Variants in R3HDM1 observed in about 807,000 individuals in gnomAD.
The protein encoded by R3HDM1 is R3H domain-containing protein 1.
A neutral mutation model predicts 141.1 loss-of-function variants in R3HDM1; 46 were observed. The observed-to-expected ratio is 0.33, with a 90% CI of 0.26 to 0.42. R3HDM1 has a LOEUF of 0.42. R3HDM1 is among the 10% of genes least tolerant of loss of function. The pLI, the probability that R3HDM1 is intolerant of heterozygous loss-of-function variation, is 1.00. For missense variants in R3HDM1, 1,184 were observed against 1,368.3 expected (o/e 0.87, Z 2.12); for synonymous variants, 435 against 472.9 (o/e 0.92, Z 1.04).
chr2:135,712,660 G>A (rs940001626), intron 23 of R3HDM1, among the ~76,000 whole-genome samples: 10 of 151,844 alleles, frequency 6.6e-5, no homozygotes, highest in East Asian at 3.9e-4. Context: ...GATGGCTCAC[G>A]CCTGTAATCC....
chr2:135,649,640 C>G (rs1559341927), intron 16 of R3HDM1, among the ~76,000 whole-genome samples: 1 of 152,064 alleles, frequency 6.6e-6, no homozygotes, highest in Non-Finnish European at 1.5e-5. Flanking sequence ...TCCCGTTAAT[C>G]TATAATAAAG....
At chr2:135,614,420 A>C (rs1441415052) in intron 3 of R3HDM1, among the ~76,000 whole-genome samples, 2 of 152,162 alleles carry the variant, frequency 1.3e-5, no homozygotes, top group Non-Finnish European at 2.9e-5. Context: ...AATCGATTAC[A>C]TTTATGACAC....
At chr2:135,696,654 G>A (rs192526232) in intron 21 of R3HDM1, among the ~76,000 whole-genome samples, 1 of 152,004 alleles carries the variant, frequency 6.6e-6, no homozygotes, top group Non-Finnish European at 1.5e-5. Context: ...ACCACACCTG[G>A]CTAATTTTTT....
chr2:135,606,702 G>C (rs2060091076), intron 3 of R3HDM1: 1 of 136,744 alleles, frequency 7.3e-6, no homozygotes, highest in African/African-American at 2.8e-5. Flanking sequence ...GTTACAGTGA[G>C]CCAAGATCGC....
chr2:135,552,271 T>C (rs1025796705), intron 1 of R3HDM1, among the ~76,000 whole-genome samples: 2 of 152,084 alleles, frequency 1.3e-5, no homozygotes, highest in South Asian at 2.1e-4. Flanking sequence ...TCTTGGCTCA[T>C]TGCAACCTCT....
rs576694390 is a variant in R3HDM1, at chr2:135,713,338, C to T, written c.2737-2212C>T. ...AAATTCAGGAAGACCAATAATCTGC[C>T]GTAGTAATAGTTTGGCAAAGATCAA... is the stretch of plus-strand genomic sequence containing the variant. On this transcript the variant is annotated intron_variant, in intron 23 of 26. Coordinates refer to ENST00000683871, the MANE Select transcript of R3HDM1 (RefSeq NM_001378107.1). 2.6e-5 allele frequency among the ~76,000 whole-genome samples: 4 copies of T among 152,208 alleles called. No homozygotes were observed. In the South Asian group the frequency reaches 6.2e-4, roughly 24 times the overall value.
At chr2:135,616,607 G>T in intron 4 of R3HDM1, 61 bp from the exon 5 acceptor site, 1 of 1,325,752 alleles carries the variant, frequency 7.5e-7, no homozygotes, top group East Asian at 2.5e-5. Flanking sequence ...CTTTCTAGGG[G>T]GCTTTTGGAT....
intron 16 of R3HDM1, among the ~76,000 whole-genome samples, chr2:135,645,793 G>C (rs1009220008): frequency 2.6e-5 from 4 of 152,184 alleles, no homozygotes; most frequent in Non-Finnish European, 5.9e-5. Flanking sequence ...TTTCACAACA[G>C]CAAGAAATGG....
chr2:135,590,591 C>T (rs1709033493), intron 1 of R3HDM1: 2 of 985,286 alleles, frequency 2.0e-6, no homozygotes, highest in South Asian at 4.7e-5. Flanking sequence ...TGTGCAAAGC[C>T]ATAGGAAGTT....
Position 135,540,090 on chromosome 2 carries a change from A to T in R3HDM1, c.-250+8457A>T, listed in dbSNP as rs921126085. Among the ~76,000 whole-genome samples the T allele has an allele frequency of 2.0e-5, 3 of 152,366 alleles. No homozygotes were observed. The South Asian group carries it at 6.2e-4, about 32-fold the overall frequency. On this transcript the variant is annotated intron_variant, in intron 1 of 26. Coordinates refer to ENST00000683871, the MANE Select transcript of R3HDM1 (RefSeq NM_001378107.1). ...GTAATATTCTAAATCCTTTGTTGCT[A>T]TTTCAACAATGCTAACAGAAATAGA...
chr2:135,531,635 TA>T lies in R3HDM1; in HGVS notation c.-250+4del. On this transcript the variant is annotated splice_donor_region_variant and intron_variant, in intron 1 of 26. Transcript: ENST00000683871. ...GCCTCCTCCTCCTCAGTAACGCGGGTAAGAGATGCCCTTCCCTCCCCCGTCC... is the reference window on the plus strand; with the variant it reads ...GCCTCCTCCTCCTCAGTAACGCGGGTAGAGATGCCCTTCCCTCCCCCGTCC... 1.0e-6 allele frequency: 1 copy of T among 986,278 alleles called. No homozygotes were observed. The highest frequency in any genetic ancestry group is 4.7e-5 in the South Asian group (1 of 21,360). 61.1% of individuals were successfully genotyped at this position (986,278 alleles called of 1,614,324 possible).
intron 1 of R3HDM1, among the ~76,000 whole-genome samples, chr2:135,582,663 G>GGA (rs918359582): frequency 6.6e-6 from 1 of 152,124 alleles, no homozygotes; most frequent in African/African-American, 2.4e-5. Context: ...TCCCTTAGGA[G>GGA]GATAACATCC....
intron 19 of R3HDM1, among the ~76,000 whole-genome samples, chr2:135,668,402 A>C (rs1247078205): frequency 2.0e-5 from 3 of 152,222 alleles, no homozygotes; most frequent in Admixed American, 2.0e-4. Flanking sequence ...GTTGTATGTT[A>C]TAATTATTAG....
At chr2:135,571,620 C>T (rs1285708898) in intron 1 of R3HDM1, among the ~76,000 whole-genome samples, 1 of 150,432 alleles carries the variant, frequency 6.6e-6, no homozygotes, top group Non-Finnish European at 1.5e-5. Context: ...GCCACTGCAC[C>T]CGGCCTAATT....
At chr2:135,629,169 T>G (rs2062376166) in intron 7 of R3HDM1, among the ~76,000 whole-genome samples, 1 of 151,748 alleles carries the variant, frequency 6.6e-6, no homozygotes, top group Admixed American at 6.6e-5. Flanking sequence ...ATACAAAAAT[T>G]TGCCGGGTGT....
chr2:135,679,558 C>G (rs1425243932), intron 20 of R3HDM1, among the ~76,000 whole-genome samples: 1 of 152,198 alleles, frequency 6.6e-6, no homozygotes, highest in Non-Finnish European at 1.5e-5. Flanking sequence ...TTAGTTCTAC[C>G]TGAGGTAAAC....
Position 135,680,228 on chromosome 2 carries a change from T to C in R3HDM1, c.2363T>C (p.Val788Ala), listed in dbSNP as rs1282636594. 1.2e-6 allele frequency: 2 copies of C among 1,613,584 alleles called. No individual in the cohort carries two copies. The highest frequency in any genetic ancestry group is 1.1e-5 in the South Asian group (1 of 91,078). ...GIPHQTYQQP[V>A]MFPNQSNQGS... ...CCCCATCAGACTTATCAACAGCCTG[T>C]TATGTTCCCTAATCAGTCTAATCAA... Residue 788 changes from valine (V) to alanine (A), a missense_variant, in exon 21 of 27, where the codon GTT (valine) becomes GCT (alanine). Val to Ala is a moderately conservative substitution (Grantham distance 64). This residue lies in a region of R3HDM1 where 563 missense variants were observed against 562.0 expected (regional missense o/e 1.00). Transcript: ENST00000683871.
Position 135,711,662 on chromosome 2 carries a change from GAA to G in R3HDM1, c.2736+1445_2736+1446del, listed in dbSNP as rs34148045. Among the ~76,000 whole-genome samples the G allele has an allele frequency of 5.7e-3, 750 of 132,550 alleles. 5 individuals carry two copies. The highest frequency in any genetic ancestry group is 0.012 in the African/African-American group (430 of 35,272). The allele number at this position is 132,550 out of a possible 152,430, so 87.0% of individuals were successfully genotyped here. A position where few individuals can be genotyped will look rare whatever the true frequency, so the allele number is the denominator to read the frequency against. On this transcript the variant is annotated intron_variant, in intron 23 of 26. Transcript: ENST00000683871. Reference sequence around the variant, plus strand: ...CAACAGAGGGAGACCCCAACTCTTTGAAAAAAAAAAAAAAACCCAGGCACAGT... The same window carrying G: ...CAACAGAGGGAGACCCCAACTCTTTGAAAAAAAAAAAAACCCAGGCACAGT...
intron 16 of R3HDM1, among the ~76,000 whole-genome samples, chr2:135,646,892 A>G (rs4321419): frequency 6.8e-6 from 1 of 146,546 alleles, no homozygotes; most frequent in Admixed American, 6.8e-5. Context: ...AAAAAAAAAA[A>G]AAGAAGAAGT....
Sources: gnomAD v4.1 joint callset for allele counts (sites outside exome capture counted in the v4.1 genomes callset) on GRCh38, gnomAD v4.1.1 for gene constraint, gnomAD v4.1.1 regional missense constraint, MANE v1.5 for transcripts, NCBI Gene and HGNC (gene_info 2026-07-23, HGNC 2026-07-21) for gene names.